The following FAAH2 variants were observed in gnomAD, a reference collection of about 807,000 sequenced individuals.
FAAH2 encodes fatty acid amide hydrolase 2.
A neutral mutation model predicts 36.9 loss-of-function variants in FAAH2; 60 were observed. The ratio of observed to expected loss-of-function variants is 1.63; its 90% CI spans 1.32 to 2.02. FAAH2 has a LOEUF of 2.02. FAAH2 is among the 30% of genes most tolerant of loss of function. FAAH2 has a pLI of 0.00. For missense variants in FAAH2, 689 were observed against 397.5 expected, an observed-to-expected ratio of 1.73 and a Z score of -6.23; for synonymous variants, 214 against 143.8, an observed-to-expected ratio of 1.49 and a Z score of -3.49.
chrX:57,403,115 G>A (rs1369554826), intron 7 of FAAH2, among the ~76,000 whole-genome samples: 1 of 111,859 alleles, frequency 8.9e-6, no homozygotes, highest in African/African-American at 3.3e-5. Flanking sequence ...GAGGAAAAAG[G>A]CACATGCACT....
intron 2 of FAAH2, among the ~76,000 whole-genome samples, chrX:57,306,778 T>C (rs191682000): frequency 5.0e-4 from 48 of 96,246 alleles, no homozygotes; most frequent in Middle Eastern, 5.4e-3. Flanking sequence ...ATATACCATA[T>C]ATATGTATAC....
At chrX:57,142,801 A>G in the FAAH2 span, among the ~76,000 whole-genome samples, 1 of 111,633 alleles carries the variant, frequency 9.0e-6, no homozygotes, top group Admixed American at 9.5e-5. Flanking sequence ...CTGGATGCAT[A>G]TATATTTACA....
At chrX:57,336,433 T>G (rs1473258408) in intron 4 of FAAH2, among the ~76,000 whole-genome samples, 9 of 111,784 alleles carry the variant, frequency 8.1e-5, no homozygotes, top group Non-Finnish European at 9.4e-5. Context: ...TGGTGGTCTC[T>G]TCACACGGAC....
At chrX:57,409,002 A>G (rs1037919414) in intron 7 of FAAH2, among the ~76,000 whole-genome samples, 3 of 111,521 alleles carry the variant, frequency 2.7e-5, no homozygotes, top group African/African-American at 9.8e-5. Flanking sequence ...ATAGCCTACT[A>G]CAAACTTTGG....
the FAAH2 span, among the ~76,000 whole-genome samples, chrX:57,269,402 C>G: frequency 9.0e-6 from 1 of 111,001 alleles, no homozygotes; most frequent in African/African-American, 3.3e-5. Context: ...AACTCTCCAC[C>G]AAAAAAATAA....
rs73626275 is a variant in FAAH2, at chrX:57,453,929, C to A, written c.1423+5211C>A. On this transcript the variant is annotated intron_variant, in intron 10 of 10. Coordinates refer to ENST00000374900, the MANE Select transcript of FAAH2 (RefSeq NM_174912.4). ...CAGGGCCAGCCTGGCAAGGATATGA[C>A]CTGTCTACTAAATGTGGTCCCTGCC... is the stretch of plus-strand genomic sequence containing the variant. 5.6e-3 allele frequency among the ~76,000 whole-genome samples: 623 copies of A among 111,781 alleles called. 2 individuals carry two copies. The highest frequency in any genetic ancestry group is 0.02 in the African/African-American group (601 of 30,791).
the FAAH2 span, among the ~76,000 whole-genome samples, chrX:57,189,076 G>A: frequency 9.0e-6 from 1 of 110,721 alleles, no homozygotes. Flanking sequence ...TGAAGTCTTG[G>A]TTCTTTCCTT....
chrX:57,445,390 G>T (rs2056653883), intron 8 of FAAH2, among the ~76,000 whole-genome samples: 1 of 111,538 alleles, frequency 9.0e-6, no homozygotes, highest in Non-Finnish European at 1.9e-5. Flanking sequence ...ATTGGGAAAG[G>T]GATGACATGA....
At chrX:57,190,800 T>A in the FAAH2 span, among the ~76,000 whole-genome samples, 2 of 110,650 alleles carry the variant, frequency 1.8e-5, no homozygotes, top group Non-Finnish European at 3.8e-5. Flanking sequence ...ACCTTCTATG[T>A]TGGTCTCGCT....
the FAAH2 span, among the ~76,000 whole-genome samples, chrX:57,223,791 C>A: frequency 8.9e-6 from 1 of 112,029 alleles, no homozygotes; most frequent in Non-Finnish European, 1.9e-5. Flanking sequence ...GCATATAATT[C>A]TCCGTTTTGG....
chrX:57,357,531 G>A (rs766175385), intron 5 of FAAH2, among the ~76,000 whole-genome samples: 4 of 111,974 alleles, frequency 3.6e-5, no homozygotes, highest in Non-Finnish European at 7.5e-5. Flanking sequence ...CAAAGGATAT[G>A]AATAGAGACT....
intron 2 of FAAH2, among the ~76,000 whole-genome samples, chrX:57,302,868 G>A (rs2052415944): frequency 9.0e-6 from 1 of 111,331 alleles, no homozygotes; most frequent in African/African-American, 3.3e-5. Flanking sequence ...GCAAGGGTAA[G>A]GATTTTTGGC....
At chrX:57,313,920 G>A (rs905969253) in intron 3 of FAAH2, among the ~76,000 whole-genome samples, 2 of 111,139 alleles carry the variant, frequency 1.8e-5, no homozygotes, top group African/African-American at 6.5e-5. Context: ...TGAACTAAAT[G>A]TCCCAATTAA....
At chrX:57,345,995 T>C (rs1314946178) in intron 5 of FAAH2, among the ~76,000 whole-genome samples, 1 of 111,469 alleles carries the variant, frequency 9.0e-6, no homozygotes, top group Non-Finnish European at 1.9e-5. Flanking sequence ...GTGTGTTTGG[T>C]ATGATTTAAA....
At chrX:57,270,690 A>G in the FAAH2 span, among the ~76,000 whole-genome samples, 1 of 111,493 alleles carries the variant, frequency 9.0e-6, no homozygotes, top group African/African-American at 3.3e-5. Flanking sequence ...GGGTGAGCTG[A>G]AGTCAGGTGG....
chrX:57,157,169 G>C, the FAAH2 span, among the ~76,000 whole-genome samples: 3 of 111,697 alleles, frequency 2.7e-5, no homozygotes, highest in Non-Finnish European at 5.6e-5. Flanking sequence ...CAAGTGGAAA[G>C]AGTCTTTCTC....
At chrX:57,278,946 C>T in the FAAH2 span, among the ~76,000 whole-genome samples, 4 of 111,513 alleles carry the variant, frequency 3.6e-5, no homozygotes, top group African/African-American at 9.8e-5. Flanking sequence ...ATTAAAACGT[C>T]GGGAAACAAC....
In FAAH2 at chrX:57,320,562, T is replaced by A. The variant is rs1451706351; in HGVS notation, c.412+9833T>A. Among the ~76,000 whole-genome samples, 3 of 112,143 alleles carry A rather than the reference T, an allele frequency of 2.7e-5. No individual in the cohort carries two copies. In the East Asian group the frequency reaches 8.4e-4, roughly 31 times the overall value. On this transcript the variant is annotated intron_variant, in intron 3 of 10. Transcript: ENST00000374900. ...GTGGAGAAATAAAAATGCTTTTACA[T>A]TGTTGGTGGGAGTGTAAATTAGTTC...
chrX:57,125,418 C>G, the FAAH2 span, among the ~76,000 whole-genome samples: 1 of 111,682 alleles, frequency 9.0e-6, no homozygotes, highest in African/African-American at 3.2e-5. Context: ...CCTGGAATTT[C>G]AATGAAAAGT....
Sources: allele counts gnomAD v4.1 joint callset (sites outside exome capture counted in the v4.1 genomes callset), GRCh38; gene constraint gnomAD v4.1.1; transcripts MANE v1.5; gene names NCBI Gene and HGNC (gene_info 2026-07-23, HGNC 2026-07-21).